TTBK2: variants seen among roughly 807,000 people sequenced by gnomAD.
TTBK2 encodes the protein tau-tubulin kinase 2.
A neutral mutation model predicts 110.8 loss-of-function variants in TTBK2; 28 were observed. The ratio of observed to expected loss-of-function variants is 0.25; its 90% CI spans 0.19 to 0.35. The LOEUF is 0.35. TTBK2 is among the 10% of genes least tolerant of loss of function. TTBK2 has a pLI of 1.00. For missense variants in TTBK2, 1,369 were observed against 1,500.3 expected (o/e 0.91, Z 1.45); for synonymous variants, 532 against 527.3 (o/e 1.01, Z -0.12).
At chr15:42,796,127 C>T (rs967293505) in intron 9 of TTBK2, among the ~76,000 whole-genome samples, 6 of 151,844 alleles carry the variant, frequency 4.0e-5, no homozygotes, top group East Asian at 2.0e-4. Context: ...ATACTGGCCA[C>T]GCACGGTGGC....
At chr15:42,900,450 G>T (rs1031295308) in intron 1 of TTBK2, among the ~76,000 whole-genome samples, 37 of 152,184 alleles carry the variant, frequency 2.4e-4, no homozygotes, top group Non-Finnish European at 5.0e-4. Flanking sequence ...TGGGCATGGT[G>T]GCTCATGCCT....
chr15:42,901,431 C>T (rs531683828), intron 1 of TTBK2, among the ~76,000 whole-genome samples: 3 of 151,542 alleles, frequency 2.0e-5, no homozygotes, highest in Non-Finnish European at 4.4e-5. Flanking sequence ...ACAATAATTT[C>T]TTGGATATAA....
At chr15:42,845,055 A>G (rs1893390778) in intron 3 of TTBK2, among the ~76,000 whole-genome samples, 1 of 152,232 alleles carries the variant, frequency 6.6e-6, no homozygotes, top group African/African-American at 2.4e-5. Flanking sequence ...AGAAGATTCA[A>G]AAATTTGGCT....
At chr15:42,848,584 G>A (rs1001411402) in intron 3 of TTBK2, among the ~76,000 whole-genome samples, 12 of 151,680 alleles carry the variant, frequency 7.9e-5, no homozygotes, top group African/African-American at 2.7e-4. Context: ...TCCACCTCCC[G>A]GGTTAAAGCG....
In TTBK2 at chr15:42,777,174, T is replaced by G; in HGVS notation, c.1266A>C (p.Ser422=). Residue 422 remains serine (S), a synonymous_variant, in exon 12 of 15, where the codon TCA becomes TCC. Transcript: ENST00000267890. ...NGLLNAPSLG[S]PIRVRSEITQ... ...TAATCTCTGAGCGGACACGAATTGGTGACCCAAGGCTTGGAGCATTGAGAA... is the reference window on the plus strand; with the variant it reads ...TAATCTCTGAGCGGACACGAATTGGGGACCCAAGGCTTGGAGCATTGAGAA... The G allele has an allele frequency of 6.2e-7, 1 of 1,614,184 alleles. No homozygotes were observed.
intron 3 of TTBK2, among the ~76,000 whole-genome samples, chr15:42,869,072 T>C (rs1437296693): frequency 1.3e-5 from 2 of 151,982 alleles, no homozygotes; most frequent in Non-Finnish European, 2.9e-5. Context: ...TTTTTTCTCT[T>C]ACAATGGCAC....
At chr15:42,802,707 G>A (rs149331221) in intron 9 of TTBK2, among the ~76,000 whole-genome samples, 2 of 152,310 alleles carry the variant, frequency 1.3e-5, no homozygotes, top group African/African-American at 4.8e-5. Flanking sequence ...CATTGTGCAA[G>A]CATCATACAG....
chr15:42,798,157 T>C (rs909139762), intron 9 of TTBK2: 2 of 454,058 alleles, frequency 4.4e-6, no homozygotes, highest in Non-Finnish European at 8.9e-6. Context: ...GTGCTGGGAT[T>C]ATAGGCATGA....
chr15:42,901,724 C>T (rs980456728), intron 1 of TTBK2, among the ~76,000 whole-genome samples: 1 of 151,386 alleles, frequency 6.6e-6, no homozygotes, highest in African/African-American at 2.4e-5. Context: ...AAAATATTTA[C>T]AAATCATATA....
chr15:42,751,899 C>T, intron 14 of TTBK2, 75 bp downstream of exon 14: 1 of 1,553,954 alleles, frequency 6.4e-7, no homozygotes, highest in South Asian at 1.1e-5. Context: ...AGAAATGTTG[C>T]CATTGGTGGA....
chr15:42,780,151 A>ACCT (rs1890118315), intron 11 of TTBK2, among the ~76,000 whole-genome samples: 1 of 143,268 alleles, frequency 7.0e-6, no homozygotes, highest in African/African-American at 2.6e-5. Context: ...CCTCCCAAGT[A>ACCT]CCTGGGACTA....
At position 42,783,534 on chromosome 15, in the gene TTBK2, A is replaced by G. The variant is rs758666336; in HGVS notation, c.1082T>C (p.Val361Ala). 6.2e-7 allele frequency: 1 copy of G among 1,614,206 alleles called. No homozygotes were observed. Among genetic ancestry groups the G allele is most frequent in the South Asian group, 1.1e-5 (1 of 91,088 alleles). ...QLSDGENGIP[V>A]GVSPDKLPGS... ...AGGCAATTTATCTGGTGACACACCA[A>G]CAGGGATGCCATTTTCTCCATCGCT... Residue 361 changes from valine to alanine, a missense_variant, in exon 11 of 15, where the codon GTT becomes GCT. Coordinates refer to ENST00000267890, the MANE Select transcript of TTBK2 (RefSeq NM_173500.4).
intron 8 of TTBK2, 87 bp downstream of exon 8, chr15:42,811,601 A>T: frequency 2.0e-6 from 2 of 1,012,674 alleles, no homozygotes; most frequent in Non-Finnish European, 3.0e-6. Context: ...TAAGTCTTAT[A>T]CATAAGTATA....
At chr15:42,816,945 TAAA>T in intron 7 of TTBK2, 84 bp downstream of exon 7, 3 of 462,912 alleles carry the variant, frequency 6.5e-6, no homozygotes, top group Non-Finnish European at 8.9e-6. Flanking sequence ...TATATATATA[TAAA>T]ATAATAATAA....
chr15:42,794,557 T>C (rs1890847890), intron 10 of TTBK2, 87 bp downstream of exon 10: 1 of 1,576,790 alleles, frequency 6.3e-7, no homozygotes, highest in East Asian at 2.2e-5. Flanking sequence ...TAGCATTTGG[T>C]CATCTGAGGG....
At chr15:42,776,261 T>C (rs1161146924) in intron 12 of TTBK2, among the ~76,000 whole-genome samples, 1 of 152,192 alleles carries the variant, frequency 6.6e-6, no homozygotes, top group Non-Finnish European at 1.5e-5. Flanking sequence ...TAATATTTCA[T>C]TACCAATAGT....
intron 1 of TTBK2, among the ~76,000 whole-genome samples, chr15:42,892,403 T>A (rs929798656): frequency 2.0e-5 from 3 of 152,050 alleles, no homozygotes; most frequent in African/African-American, 7.2e-5. Flanking sequence ...TATTTATTAT[T>A]TGGACCTTTA....
chr15:42,910,916 T>TGC (rs1596051407), intron 1 of TTBK2, among the ~76,000 whole-genome samples: 1 of 151,806 alleles, frequency 6.6e-6, no homozygotes. Context: ...TGGTGGCAGG[T>TGC]GCCTGTAATC....
chr15:42,778,554 G>A (rs1890035190), intron 11 of TTBK2, among the ~76,000 whole-genome samples: 1 of 152,154 alleles, frequency 6.6e-6, no homozygotes, highest in Non-Finnish European at 1.5e-5. Flanking sequence ...TGTAATCCCA[G>A]CTACTCAGGA....
Sources: allele counts gnomAD v4.1 joint callset (sites outside exome capture counted in the v4.1 genomes callset), GRCh38; gene constraint gnomAD v4.1.1; transcripts MANE v1.5; gene names NCBI Gene and HGNC (gene_info 2026-07-23, HGNC 2026-07-21).